Variants in LPAR1 observed in about 807,000 individuals in gnomAD.
The protein encoded by LPAR1 is LPA receptor 1.
LPAR1 carries 5 observed loss-of-function variants against 23.8 expected under a neutral mutation model. The observed-to-expected ratio is 0.21, with a 90% confidence interval of 0.11 to 0.44. The LOEUF is 0.44. Among genes scored for constraint, LPAR1 ranks in the 20% least tolerant of loss-of-function variants. LPAR1 has a pLI of 0.99. For missense variants in LPAR1, 311 were observed against 482.8 expected (o/e 0.64, Z 3.33); for synonymous variants, 160 against 164.7 (o/e 0.97, Z 0.22).
At chr9:111,034,941 C>A (rs2097864101) in intron 2 of LPAR1, among the ~76,000 whole-genome samples, 1 of 152,186 alleles carries the variant, frequency 6.6e-6, no homozygotes, top group Admixed American at 6.5e-5. Context: ...CTTCAAGCCA[C>A]ATTTATAAAT....
At chr9:111,012,397 G>A (rs759280) in intron 2 of LPAR1, among the ~76,000 whole-genome samples, 37,827 of 151,868 alleles carry the variant, frequency 0.25, 5,704 homozygotes, top group Non-Finnish European at 0.34. Flanking sequence ...GAAAACCAAT[G>A]CCTTATCCTA....
chr9:110,996,760 C>T (rs970979465), intron 2 of LPAR1, among the ~76,000 whole-genome samples: 5 of 152,158 alleles, frequency 3.3e-5, no homozygotes, highest in Admixed American at 6.5e-5. Flanking sequence ...TGCAGAGAAG[C>T]GGCTCCAAGG....
intron 2 of LPAR1, among the ~76,000 whole-genome samples, chr9:110,988,248 C>T (rs1372727345): frequency 6.6e-6 from 1 of 151,730 alleles, no homozygotes; most frequent in Admixed American, 6.6e-5. Context: ...GTTCATCAGA[C>T]AGAAAGAAAA....
intron 5 of LPAR1, among the ~76,000 whole-genome samples, chr9:110,890,242 T>C (rs2083681083): frequency 6.6e-6 from 1 of 152,176 alleles, no homozygotes; most frequent in African/African-American, 2.4e-5. Context: ...ATGTAATAGT[T>C]TGATAATCTG....
chr9:111,033,906 C>G (rs2141696982), intron 2 of LPAR1, among the ~76,000 whole-genome samples: 1 of 152,240 alleles, frequency 6.6e-6, no homozygotes, highest in East Asian at 1.9e-4. Flanking sequence ...GATTCAACAG[C>G]AATTCAAAGA....
chr9:111,028,972 A>G (rs2097751678), intron 2 of LPAR1, among the ~76,000 whole-genome samples: 1 of 152,170 alleles, frequency 6.6e-6, no homozygotes, highest in African/African-American at 2.4e-5. Flanking sequence ...CCCAGTGGGT[A>G]TTGTTGAAAT....
In LPAR1 at chr9:110,910,813, G is replaced by A. The variant is rs117385700; in HGVS notation, c.793+30608C>T. Among the ~76,000 whole-genome samples the A allele has an allele frequency of 5.6e-3, 846 of 152,296 alleles. 6 individuals are homozygous for A. The highest frequency in any genetic ancestry group is 6.6e-3 in the Non-Finnish European group (452 of 68,028). On this transcript the variant is annotated intron_variant, in intron 5 of 5. Transcript: ENST00000683809. ...AGTTGCTGCAGATTTGGGAGAAAGAGCAAGAGAAAGAGTCAGAAGTGGCAC... is the reference window on the plus strand; with the variant it reads ...AGTTGCTGCAGATTTGGGAGAAAGAACAAGAGAAAGAGTCAGAAGTGGCAC...
In LPAR1 at chr9:110,875,298, G is replaced by C; in HGVS notation, c.*123C>G. ...CAGGAACAAATACTGTCATTGGTTA[G>C]TGTTTAAGTACATGAGTTGACTTTT... On this transcript the variant is annotated 3_prime_UTR_variant, in exon 6 of 6. Transcript: ENST00000683809. The C allele has an allele frequency of 1.4e-6, 1 of 727,766 alleles. No individual in the cohort carries two copies. Among genetic ancestry groups the C allele is most frequent in the Non-Finnish European group, 2.2e-6 (1 of 448,078 alleles). The allele number at this position is 727,766 out of a possible 1,614,324, so 45.1% of individuals were successfully genotyped here.
intron 2 of LPAR1, among the ~76,000 whole-genome samples, chr9:110,976,336 CAA>C (rs11356512): frequency 0.012 from 1,484 of 126,702 alleles, 21 homozygotes; most frequent in African/African-American, 0.035. Context: ...ACTAAAAATA[CAA>C]AAAAAAAAAA....
chr9:110,904,379 C>T (rs1450161595), intron 5 of LPAR1, among the ~76,000 whole-genome samples: 4 of 151,964 alleles, frequency 2.6e-5, no homozygotes, highest in Admixed American at 2.0e-4. Flanking sequence ...GAAATAAGGC[C>T]CCCATGTGTC....
At chr9:110,953,531 C>T (rs2095637511) in intron 4 of LPAR1, among the ~76,000 whole-genome samples, 1 of 152,042 alleles carries the variant, frequency 6.6e-6, no homozygotes, top group Admixed American at 6.6e-5. Flanking sequence ...GGCATGGTGG[C>T]ACATGCCTGT....
intron 5 of LPAR1, among the ~76,000 whole-genome samples, chr9:110,892,579 G>A (rs947937142): frequency 1.3e-5 from 2 of 151,584 alleles, no homozygotes; most frequent in East Asian, 1.9e-4. Flanking sequence ...CAGGAGAATC[G>A]CTTGATTTTG....
At chr9:110,962,530 A>AAC (rs893712468) in intron 4 of LPAR1, among the ~76,000 whole-genome samples, 3 of 152,264 alleles carry the variant, frequency 2.0e-5, no homozygotes, top group Non-Finnish European at 4.4e-5. Flanking sequence ...CTAGTTGACC[A>AAC]ACACACACAC....
At chr9:110,911,789 T>C (rs1490790458) in intron 5 of LPAR1, among the ~76,000 whole-genome samples, 2 of 152,150 alleles carry the variant, frequency 1.3e-5, no homozygotes, top group Admixed American at 1.3e-4. Flanking sequence ...ACCAAAAAAT[T>C]TGTGTGACTC....
At chr9:110,993,999 A>T (rs948143630) in intron 2 of LPAR1, among the ~76,000 whole-genome samples, 1 of 152,208 alleles carries the variant, frequency 6.6e-6, no homozygotes, top group Admixed American at 6.5e-5. Flanking sequence ...AAAGACTCAA[A>T]CACTTCCCTA....
intron 2 of LPAR1, among the ~76,000 whole-genome samples, chr9:111,016,478 G>A (rs1465099034): frequency 6.6e-6 from 1 of 152,096 alleles, no homozygotes; most frequent in Non-Finnish European, 1.5e-5. Context: ...TGCAAACTCT[G>A]GCCAAAGGCA....
chr9:110,999,059 C>T (rs1056582424), intron 2 of LPAR1, among the ~76,000 whole-genome samples: 1 of 152,132 alleles, frequency 6.6e-6, no homozygotes, highest in Non-Finnish European at 1.5e-5. Context: ...GTCAGCTCAA[C>T]CCAGAGACAT....
At chr9:110,895,849 C>A (rs1029035981) in intron 5 of LPAR1, among the ~76,000 whole-genome samples, 1 of 152,076 alleles carries the variant, frequency 6.6e-6, no homozygotes, top group Non-Finnish European at 1.5e-5. Flanking sequence ...CAAAAGAGAA[C>A]CAGATGCAGC....
rs574026275 is a variant in LPAR1, at chr9:110,972,160, C to T, written c.-43G>A. On this transcript the variant is annotated 5_prime_UTR_variant, in exon 4 of 6. Transcript: ENST00000683809. ...AGGTGGTGAACACGCCCCAGAACTA[C>T]GGGAGACAAATTTTCTTGTTTGCTG... 47 of 1,588,976 alleles carry T rather than the reference C, an allele frequency of 3.0e-5. No homozygotes were observed. The highest frequency in any genetic ancestry group is 3.5e-5 in the Non-Finnish European group (40 of 1,157,492).
Sources: gnomAD v4.1 joint callset for allele counts (sites outside exome capture counted in the v4.1 genomes callset) on GRCh38, gnomAD v4.1.1 for gene constraint, MANE v1.5 for transcripts, NCBI Gene and HGNC (gene_info 2026-07-23, HGNC 2026-07-21) for gene names.